Variants in CECR2 observed in about 807,000 individuals in gnomAD.
The protein encoded by CECR2 is chromatin remodeling regulator CECR2.
CECR2 carries 30 observed loss-of-function variants against 154.5 expected under a neutral mutation model. The observed-to-expected ratio is 0.19, with a 90% CI of 0.15 to 0.26. CECR2 has a LOEUF of 0.26. Ranked by LOEUF, CECR2 falls within the 10% of genes least tolerant of loss-of-function variation. CECR2 has a pLI of 1.00. For missense variants in CECR2, 1,743 were observed against 1,829.3 expected, an observed-to-expected ratio of 0.95 and a Z score of 0.86; for synonymous variants, 725 against 683.7, an observed-to-expected ratio of 1.06 and a Z score of -0.94.
Position 17,422,084 on chromosome 22 carries a change from A to G in CECR2, c.126+52175A>G, listed in dbSNP as rs2054263928. Among the ~76,000 whole-genome samples, 3 of 151,840 alleles carry G rather than the reference A, an allele frequency of 2.0e-5. No individual in the cohort carries two copies. The South Asian group carries it at 6.2e-4, about 32-fold the overall frequency. ...AGATATATTGTAATTCTTATCGTCT[A>G]TAGAGAAGGTGTTTTTTTTTCCCCC... On this transcript the variant is annotated intron_variant, in intron 1 of 18. Coordinates refer to ENST00000262608, the MANE Select transcript of CECR2 (RefSeq NM_001290047.2).
At chr22:17,444,438 C>G (rs895650809) in intron 1 of CECR2, among the ~76,000 whole-genome samples, 1 of 152,074 alleles carries the variant, frequency 6.6e-6, no homozygotes, top group Admixed American at 6.6e-5. Flanking sequence ...ACCAGCCTGG[C>G]TAACATGGCA....
chr22:17,374,570 G>T (rs2063096902), intron 1 of CECR2, among the ~76,000 whole-genome samples: 1 of 152,146 alleles, frequency 6.6e-6, no homozygotes, highest in Non-Finnish European at 1.5e-5. Flanking sequence ...AAGAAGCCCT[G>T]AACTAGTTGA....
intron 1 of CECR2, among the ~76,000 whole-genome samples, chr22:17,370,422 C>T (rs562196746): frequency 1.8e-4 from 27 of 151,454 alleles, no homozygotes; most frequent in African/African-American, 6.5e-4. Flanking sequence ...GTGGCAGGGG[C>T]TCCCGGAGGC....
chr22:17,537,605 G>A (rs939815219), intron 10 of CECR2, among the ~76,000 whole-genome samples: 14 of 152,122 alleles, frequency 9.2e-5, no homozygotes, highest in African/African-American at 3.1e-4. Flanking sequence ...AAACTCAAGA[G>A]GCAGATACAC....
intron 1 of CECR2, chr22:17,428,552 G>A (rs1026527694): frequency 3.3e-5 from 5 of 152,146 alleles, no homozygotes; most frequent in Non-Finnish European, 7.4e-5. Flanking sequence ...TAAGATAAAA[G>A]CATGATTATT....
intron 2 of CECR2, among the ~76,000 whole-genome samples, chr22:17,489,581 G>C (rs1432559448): frequency 6.6e-6 from 1 of 152,100 alleles, no homozygotes; most frequent in Non-Finnish European, 1.5e-5. Context: ...TCAGCCTCCT[G>C]AGTAGCTGGG....
At chr22:17,385,486 T>C (rs2063247379) in intron 1 of CECR2, among the ~76,000 whole-genome samples, 1 of 152,206 alleles carries the variant, frequency 6.6e-6, no homozygotes, top group Admixed American at 6.5e-5. Context: ...CTGGCCAGTC[T>C]GTGGAGCAGA....
intron 1 of CECR2, among the ~76,000 whole-genome samples, chr22:17,421,611 T>TC (rs1307404019): frequency 2.9e-5 from 1 of 33,970 alleles, no homozygotes; most frequent in Non-Finnish European, 4.3e-5. Context: ...CGAGACTCCG[T>TC]CTCAAAAAAA....
chr22:17,504,435 T>TTTTA (rs373150171), intron 6 of CECR2, among the ~76,000 whole-genome samples: 17 of 150,690 alleles, frequency 1.1e-4, no homozygotes, highest in Non-Finnish European at 2.4e-4. Context: ...TTTTTTTTAT[T>TTTTA]TTTATTTATT....
rs695763 is a variant in CECR2, at chr22:17,557,145, C to CTTTTTTTTTTTTTT, written c.*4312_*4325dup. The CTTTTTTTTTTTTTT allele has an allele frequency of 9.4e-6, 1 of 106,540 alleles. No individual in the cohort carries two copies. Among genetic ancestry groups the CTTTTTTTTTTTTTT allele is most frequent in the Non-Finnish European group, 1.8e-5 (1 of 55,926 alleles). The allele number at this position is 106,540 out of a possible 1,614,324, so 6.6% of individuals were successfully genotyped here. On this transcript the variant is annotated 3_prime_UTR_variant, in exon 19 of 19. Transcript: ENST00000262608. ...TACTGCATCCCGTTTTTTTTCTTTTCTTTTTTTTTTTTTTTTTTTTGAGAC... is the reference window on the plus strand; with the variant it reads ...TACTGCATCCCGTTTTTTTTCTTTTCTTTTTTTTTTTTTTTTTTTTTTTTTTTTTTTTTTGAGAC...
At chr22:17,446,586 G>A (rs559826658) in intron 1 of CECR2, among the ~76,000 whole-genome samples, 15 of 148,270 alleles carry the variant, frequency 1.0e-4, no homozygotes, top group East Asian at 4.1e-4. Context: ...GTGTGGTGGC[G>A]GGCGCCTGTA....
chr22:17,523,185 C>A (rs929451217), intron 8 of CECR2, among the ~76,000 whole-genome samples: 1 of 151,902 alleles, frequency 6.6e-6, no homozygotes, highest in Non-Finnish European at 1.5e-5. Flanking sequence ...AAGTTCGAGA[C>A]CAGCCTGGCC....
chr22:17,378,084 C>T (rs917019943), intron 1 of CECR2, among the ~76,000 whole-genome samples: 1 of 151,182 alleles, frequency 6.6e-6, no homozygotes, highest in South Asian at 2.1e-4. Context: ...CCCGGGTTCA[C>T]GCCATTCTCC....
intron 1 of CECR2, among the ~76,000 whole-genome samples, chr22:17,380,406 A>G (rs1266564952): frequency 2.0e-5 from 3 of 152,228 alleles, no homozygotes; most frequent in Admixed American, 2.0e-4. Flanking sequence ...TTTACAAAAG[A>G]CATTGGCCGG....
At chr22:17,419,848 G>C (rs2054218536) in intron 1 of CECR2, 2 of 273,138 alleles carry the variant, frequency 7.3e-6, no homozygotes, top group African/African-American at 4.5e-5. Flanking sequence ...AGTTTCGAAA[G>C]AAATAATTGG....
chr22:17,410,620 G>C (rs1025584249), intron 1 of CECR2, among the ~76,000 whole-genome samples: 1 of 151,964 alleles, frequency 6.6e-6, no homozygotes, highest in Non-Finnish European at 1.5e-5. Context: ...ACTAATTTTT[G>C]TATTTTTAGC....
Position 17,540,379 on chromosome 22 carries a change from T to C in CECR2, c.1496-33T>C, listed in dbSNP as rs2147022261. 2.7e-6 allele frequency: 4 copies of C among 1,474,578 alleles called. No individual in the cohort carries two copies. In the South Asian group the frequency reaches 6.2e-5, roughly 23 times the overall value. The allele number at this position is 1,474,578 out of a possible 1,614,324, so 91.3% of individuals were successfully genotyped here. A position where few individuals can be genotyped will look rare whatever the true frequency, so the allele number is the denominator to read the frequency against. ...TTCTATAAACAATTTCTGTAAACTA[T>C]ACCTAGAAGTCAATCCTCCTGTCTT... On this transcript the variant is annotated intron_variant, in intron 13 of 18. Transcript: ENST00000262608.
In CECR2 at chr22:17,549,190, C is replaced by G. The variant is rs2056665582; in HGVS notation, c.3903C>G (p.Asn1301Lys). 6.2e-7 allele frequency: 1 copy of G among 1,613,900 alleles called. No individual in the cohort carries two copies. ...CCAAAGAATTTTTAGACCTGGACAA[C>G]CATAACGCAGCTACCAAGCGGCAGA... is the stretch of plus-strand genomic sequence containing the variant. The part of the protein sequence containing the change: ...ESPKEFLDLD[N>K]HNAATKRQSS... Residue 1301 changes from asparagine (N) to lysine (K), a missense_variant, in exon 17 of 19, where the codon AAC becomes AAG. Transcript: ENST00000262608.
At chr22:17,508,012 G>A (rs970576006) in intron 7 of CECR2, among the ~76,000 whole-genome samples, 1 of 152,134 alleles carries the variant, frequency 6.6e-6, no homozygotes, top group African/African-American at 2.4e-5. Flanking sequence ...AAGCTACTCT[G>A]TTCGTTCTGA....
Sources: allele counts gnomAD v4.1 joint callset (sites outside exome capture counted in the v4.1 genomes callset), GRCh38; gene constraint gnomAD v4.1.1; transcripts MANE v1.5; gene names NCBI Gene and HGNC (gene_info 2026-07-23, HGNC 2026-07-21).